Variants in ZFAT observed in about 807,000 individuals in gnomAD.
ZFAT encodes the protein zinc finger protein ZFAT.
A neutral mutation model predicts 117.7 loss-of-function variants in ZFAT; 64 were observed. That is an observed-to-expected ratio of 0.54 (90% CI 0.44 to 0.67). ZFAT has a LOEUF of 0.67. ZFAT is among the 30% of genes least tolerant of loss of function. The pLI is 0.00. For missense variants in ZFAT, 1,433 were observed against 1,584.5 expected (o/e 0.90, Z 1.62); for synonymous variants, 679 against 615.0 (o/e 1.10, Z -1.54).
intron 1 of ZFAT, among the ~76,000 whole-genome samples, chr8:134,685,524 C>T (rs1188552665): frequency 2.0e-5 from 3 of 152,134 alleles, no homozygotes; most frequent in East Asian, 1.9e-4. Context: ...CAATTCATTT[C>T]GGGGAGCAAC....
rs758033663 is a variant in ZFAT, at chr8:134,590,353, G to C, written c.2478C>G (p.Asp826Glu). ...QAHLKVHTAL[D>E]KRSYSCPVCE... ...AAACAGGACAAGAATAACTCCTTTT[G>C]TCCTTAATAGAAAGAGAACATAATC... The change falls in exon 8 of 16, where the codon GAC (aspartate) becomes GAG (glutamate). Residue 826 changes from aspartate to glutamate, a missense_variant and splice_region_variant. Asp to Glu is a conservative substitution (Grantham distance 45). Coordinates refer to ENST00000377838, the MANE Select transcript of ZFAT (RefSeq NM_020863.4). The C allele has an allele frequency of 6.2e-7, 1 of 1,606,466 alleles. No individual in the cohort carries two copies. The highest frequency in any genetic ancestry group is 8.5e-7 in the Non-Finnish European group (1 of 1,175,094).
chr8:134,688,579 G>A (rs1833447818), intron 1 of ZFAT, among the ~76,000 whole-genome samples: 1 of 152,204 alleles, frequency 6.6e-6, no homozygotes, highest in African/African-American at 2.4e-5. Flanking sequence ...AAAGGAGCCA[G>A]GACTTGGGTT....
intron 3 of ZFAT, among the ~76,000 whole-genome samples, chr8:134,614,784 C>G (rs377029826): frequency 3.3e-5 from 5 of 152,076 alleles, no homozygotes; most frequent in Admixed American, 3.3e-4. Context: ...TTTTCAGACA[C>G]GTTTATGAGG....
chr8:134,707,787 C>T (rs1325066973), intron 1 of ZFAT, among the ~76,000 whole-genome samples: 6 of 152,236 alleles, frequency 3.9e-5, no homozygotes, highest in Non-Finnish European at 7.3e-5. Flanking sequence ...CTGTGTTGAA[C>T]ACAAAGGCAT....
the ZFAT span, among the ~76,000 whole-genome samples, chr8:134,813,130 C>T: frequency 6.6e-6 from 1 of 152,192 alleles, no homozygotes; most frequent in Non-Finnish European, 1.5e-5. Flanking sequence ...AGCTTATTCA[C>T]CCTTTCACAG....
intron 3 of ZFAT, among the ~76,000 whole-genome samples, chr8:134,621,578 A>C (rs892348084): frequency 1.3e-5 from 2 of 152,192 alleles, no homozygotes; most frequent in Non-Finnish European, 2.9e-5. Context: ...ATCATGCAGC[A>C]CCACTGTCTG....
intron 11 of ZFAT, among the ~76,000 whole-genome samples, chr8:134,538,753 C>T (rs957768593): frequency 2.0e-5 from 3 of 146,854 alleles, no homozygotes; most frequent in South Asian, 2.1e-4. Context: ...GCCAAGATTG[C>T]GCCACTGCAT....
At chr8:134,779,496 A>G in the ZFAT span, among the ~76,000 whole-genome samples, 2 of 152,130 alleles carry the variant, frequency 1.3e-5, no homozygotes, top group Non-Finnish European at 2.9e-5. Context: ...CACCGTCTAT[A>G]CTTTTTAAAT....
chr8:134,786,461 AAT>A, the ZFAT span, among the ~76,000 whole-genome samples: 1 of 152,202 alleles, frequency 6.6e-6, no homozygotes, highest in African/African-American at 2.4e-5. Context: ...ATCCTAAGTG[AAT>A]ATAACTTGCA....
chr8:134,747,865 G>A, the ZFAT span, among the ~76,000 whole-genome samples: 2 of 152,254 alleles, frequency 1.3e-5, no homozygotes, highest in Admixed American at 1.3e-4. Flanking sequence ...AAGCATCTCT[G>A]GTCTCTGGGC....
Position 134,602,221 on chromosome 8 carries a change from G to A in ZFAT, c.1498C>T (p.Leu500Phe), listed in dbSNP as rs760196641. 8 of 1,613,686 alleles carry A rather than the reference G, an allele frequency of 5.0e-6. No individual in the cohort carries two copies. Among genetic ancestry groups the A allele is most frequent in the Middle Eastern group, 1.6e-4 (1 of 6,062 alleles). The change falls in exon 6 of 16, where the codon CTC (leucine) becomes TTC (phenylalanine). Residue 500 changes from leucine (L) to phenylalanine (F), a missense_variant. Physicochemically the swap from Leu to Phe is conservative, Grantham distance 22 (BLOSUM62 0). Coordinates refer to ENST00000377838, the MANE Select transcript of ZFAT (RefSeq NM_020863.4). ...FTSSINQSFC[L>F]LEPGGDIQQE... ...TGGATGTCCCCACCAGGTTCCAGGA[G>A]GCAGAAGCTCTGGTTGATGGAACTG...
the ZFAT span, chr8:134,766,760 C>A: frequency 6.6e-6 from 1 of 152,176 alleles, no homozygotes. Flanking sequence ...GATGAAGGAA[C>A]TGAAACACAG....
chr8:134,581,704 C>T (rs1215841184), intron 10 of ZFAT, among the ~76,000 whole-genome samples: 1 of 152,186 alleles, frequency 6.6e-6, no homozygotes. Context: ...CCCACCTCAG[C>T]CTACCAAGTA....
chr8:134,796,846 T>G, the ZFAT span: 1 of 152,230 alleles, frequency 6.6e-6, no homozygotes, highest in East Asian at 1.9e-4. Context: ...AATGTTTTAG[T>G]TTAATCTGAT....
chr8:134,675,364 G>C (rs1404142974), intron 1 of ZFAT, among the ~76,000 whole-genome samples: 1 of 152,092 alleles, frequency 6.6e-6, no homozygotes, highest in Non-Finnish European at 1.5e-5. Context: ...AGAAATTGAA[G>C]ATCAACTCAA....
At chr8:134,789,733 A>G in the ZFAT span, among the ~76,000 whole-genome samples, 1 of 152,340 alleles carries the variant, frequency 6.6e-6, no homozygotes, top group East Asian at 1.9e-4. Context: ...AAAGAAAAGC[A>G]AAAGCACAAC....
intron 2 of ZFAT, among the ~76,000 whole-genome samples, chr8:134,655,971 T>G (rs369903838): frequency 6.6e-6 from 1 of 152,176 alleles, no homozygotes; most frequent in Non-Finnish European, 1.5e-5. Context: ...AGAGGAATGC[T>G]TGAGCCCAAA....
the ZFAT span, among the ~76,000 whole-genome samples, chr8:134,814,941 A>G: frequency 6.6e-6 from 1 of 152,258 alleles, no homozygotes; most frequent in Non-Finnish European, 1.5e-5. Context: ...AACTAGAAGA[A>G]TAGTAAAATC....
the ZFAT span, among the ~76,000 whole-genome samples, chr8:134,750,525 A>AT: frequency 6.6e-6 from 1 of 152,026 alleles, no homozygotes; most frequent in Non-Finnish European, 1.5e-5. Flanking sequence ...AAATTGAAAT[A>AT]TTTTTTTTAA....
Sources: allele counts gnomAD v4.1 joint callset (sites outside exome capture counted in the v4.1 genomes callset), GRCh38; gene constraint gnomAD v4.1.1; transcripts MANE v1.5; gene names NCBI Gene and HGNC (gene_info 2026-07-23, HGNC 2026-07-21).